Variants in COL4A4 observed in about 807,000 individuals in gnomAD.
COL4A4 encodes collagen type IV alpha 4 chain.
COL4A4 carries 105 observed loss-of-function variants against 192.9 expected under a neutral mutation model. That is an observed-to-expected ratio of 0.54 (90% CI 0.46 to 0.64). The LOEUF (loss-of-function observed/expected upper bound fraction) is 0.64, where lower values mean the gene tolerates loss of function less well. Ranked by LOEUF, COL4A4 falls within the 30% of genes least tolerant of loss-of-function variation. The pLI, the probability that COL4A4 is intolerant of heterozygous loss-of-function variation, is 0.00. For missense variants in COL4A4, 1,967 were observed against 2,169.3 expected (o/e 0.91, Z 1.85); for synonymous variants, 762 against 769.9 (o/e 0.99, Z 0.17).
chr2:227,032,573 C>A (rs910441401), intron 38 of COL4A4, among the ~76,000 whole-genome samples: 1 of 152,130 alleles, frequency 6.6e-6, no homozygotes, highest in African/African-American at 2.4e-5. Context: ...AAATGAGATA[C>A]AATAAGTAAT....
chr2:227,133,552 A>G (rs1054105093), intron 4 of COL4A4, among the ~76,000 whole-genome samples: 1 of 152,212 alleles, frequency 6.6e-6, no homozygotes, highest in African/African-American at 2.4e-5. Context: ...AATGATAGGC[A>G]GGGATCCTTC....
At chr2:227,098,378 A>G (rs573701432) in intron 19 of COL4A4, among the ~76,000 whole-genome samples, 136 of 152,246 alleles carry the variant, frequency 8.9e-4, no homozygotes, top group Non-Finnish European at 1.5e-3. Context: ...CAACACCCCT[A>G]TGATATTGAT....
rs34728338 is a variant in COL4A4, at chr2:227,030,545, G to C, written c.3871C>G (p.Pro1291Ala). ...PGSVDLLRGE[P>A]GDCGLPGPPG... The stretch of plus-strand genomic sequence containing the variant: ...GGCCCTGGTAGACCACAGTCACCTG[G>C]CTCCCCTCTCAGAAGGTCAACACTC... Residue 1291 changes from proline (P) to alanine (A), a missense_variant, in exon 41 of 48, where the codon CCA (proline) becomes GCA (alanine). Coordinates refer to ENST00000396625, the MANE Select transcript of COL4A4 (RefSeq NM_000092.5). The C allele has an allele frequency of 1.1e-3, 1,842 of 1,613,988 alleles. 20 individuals carry two copies. The African/African-American group carries it at 0.021, about 18-fold the overall frequency.
the COL4A4 span, among the ~76,000 whole-genome samples, chr2:226,971,387 C>T: frequency 6.6e-6 from 1 of 152,220 alleles, no homozygotes; most frequent in Non-Finnish European, 1.5e-5. Flanking sequence ...TTCCTTTGCA[C>T]TGTCATCACA....
At chr2:227,101,267 C>A (rs2060506972) in intron 17 of COL4A4, among the ~76,000 whole-genome samples, 1 of 152,150 alleles carries the variant, frequency 6.6e-6, no homozygotes, top group African/African-American at 2.4e-5. Flanking sequence ...GCCTCCCCAG[C>A]CACGTGGAAC....
At chr2:227,062,889 T>C (rs1018713062) in intron 25 of COL4A4, among the ~76,000 whole-genome samples, 2 of 152,176 alleles carry the variant, frequency 1.3e-5, no homozygotes, top group African/African-American at 4.8e-5. Context: ...ATGTAGATGA[T>C]AAAAATGTAA....
chr2:227,010,463 A>T lies in COL4A4; in HGVS notation c.4372T>A (p.Phe1458Ile). 2 of 1,605,164 alleles carry T rather than the reference A, an allele frequency of 1.2e-6. No individual in the cohort carries two copies. The highest frequency in any genetic ancestry group is 1.7e-4 in the Middle Eastern group (1 of 5,838). Residue 1458 changes from phenylalanine (F) to isoleucine (I), a missense_variant, in exon 46 of 48, where the codon TTT becomes ATT. Physicochemically the swap from Phe to Ile is conservative, Grantham distance 21. Transcript: ENST00000396625. ...AAGCCACCGAGGTATCCAGGGCCAAACCCTTTGGGCCCAGGATCCCCAATG... is the reference window on the plus strand; with the variant it reads ...AAGCCACCGAGGTATCCAGGGCCAATCCCTTTGGGCCCAGGATCCCCAATG... Reference protein sequence around the residue: ...GPIGDPGPKGFGPGYLGGFLL... With the variant: ...GPIGDPGPKGIGPGYLGGFLL...
At chr2:227,036,773 G>T (rs926657802) in intron 37 of COL4A4, among the ~76,000 whole-genome samples, 1 of 152,070 alleles carries the variant, frequency 6.6e-6, no homozygotes, top group Non-Finnish European at 1.5e-5. Context: ...TAAGTGCTGT[G>T]GGGGAAGGGC....
intron 32 of COL4A4, among the ~76,000 whole-genome samples, chr2:227,051,655 A>G (rs942067324): frequency 1.1e-4 from 16 of 152,204 alleles, no homozygotes; most frequent in African/African-American, 3.9e-4. Flanking sequence ...GCATTTTAAC[A>G]AGCTCTCCAG....
chr2:226,979,646 G>A, the COL4A4 span, among the ~76,000 whole-genome samples: 5 of 152,176 alleles, frequency 3.3e-5, no homozygotes, highest in African/African-American at 7.2e-5. Context: ...CCCTTCTACC[G>A]TCTGCCCTGT....
At position 227,022,125 on chromosome 2, in the gene COL4A4, C is replaced by T; in HGVS notation, c.4139G>A (p.Gly1380Asp). The change falls in exon 44 of 48, where the codon GGC becomes GAC. Residue 1380 changes from glycine (G) to aspartate (D), a missense_variant. By Grantham distance (94) the Gly-to-Asp change is moderately conservative (BLOSUM62 -1). Coordinates refer to ENST00000396625, the MANE Select transcript of COL4A4 (RefSeq NM_000092.5). ...TCTCATGCCTGGCGCCCCAGGAAGG[C>T]CTGGGATTCGGGGACAGTCATCCAC... ...ADVDDCPRIP[G>D]LPGAPGMRGP... The T allele has an allele frequency of 1.2e-6, 2 of 1,614,140 alleles. No individual in the cohort carries two copies. Among genetic ancestry groups the T allele is most frequent in the African/African-American group, 1.3e-5 (1 of 75,028 alleles).
chr2:227,118,793 T>G, intron 6 of COL4A4, 32 bp from the exon 7 acceptor site: 1 of 1,453,150 alleles, frequency 6.9e-7, no homozygotes, highest in Non-Finnish European at 9.6e-7. Flanking sequence ...GTGAAGCATT[T>G]TTGCGAAAAT....
the COL4A4 span, chr2:226,988,270 G>A: frequency 1.4e-5 from 21 of 1,487,954 alleles, no homozygotes; most frequent in Non-Finnish European, 1.9e-5. Context: ...GCCCTGAGGA[G>A]GCCACTGTAA....
chr2:227,095,111 T>G lies in COL4A4; in HGVS notation c.1205-822A>C, dbSNP rs555766560. On this transcript the variant is annotated intron_variant, in intron 19 of 47. Transcript: ENST00000396625. ...TTTAGAGAATCAGATTTTCTTACCT[T>G]TTCCCCATTCTTTAGGATTATTGGG... is the stretch of plus-strand genomic sequence containing the variant. Among the ~76,000 whole-genome samples the G allele has an allele frequency of 5.3e-5, 8 of 152,328 alleles. No individual in the cohort carries two copies. The South Asian group carries it at 6.2e-4, about 12-fold the overall frequency.
At chr2:227,152,856 T>C (rs1466450594) in intron 1 of COL4A4, among the ~76,000 whole-genome samples, 1 of 152,192 alleles carries the variant, frequency 6.6e-6, no homozygotes, top group Non-Finnish European at 1.5e-5. Context: ...GACGAAGCAG[T>C]GTGTTTCTGT....
intron 4 of COL4A4, among the ~76,000 whole-genome samples, chr2:227,122,723 T>C (rs182527616): frequency 9.5e-4 from 145 of 152,252 alleles, no homozygotes; most frequent in African/African-American, 2.9e-3. Flanking sequence ...GACAATCGCA[T>C]AGCATGAAGG....
At chr2:227,081,722 A>G (rs1406434436) in intron 23 of COL4A4, among the ~76,000 whole-genome samples, 5 of 152,124 alleles carry the variant, frequency 3.3e-5, no homozygotes, top group Non-Finnish European at 7.3e-5. Context: ...TTAATATTTC[A>G]CATTTTGTTT....
At chr2:227,127,889 A>G (rs2062182696) in intron 4 of COL4A4, among the ~76,000 whole-genome samples, 1 of 152,214 alleles carries the variant, frequency 6.6e-6, no homozygotes, top group Admixed American at 6.5e-5. Flanking sequence ...AACTGAACAA[A>G]CAGGAAAGAT....
chr2:227,127,882 T>A (rs2062182104), intron 4 of COL4A4, among the ~76,000 whole-genome samples: 1 of 152,196 alleles, frequency 6.6e-6, no homozygotes, highest in Admixed American at 6.5e-5. Flanking sequence ...AATGAAAAAC[T>A]GAACAAACAG....
Sources: gnomAD v4.1 joint callset for allele counts (sites outside exome capture counted in the v4.1 genomes callset) on GRCh38, gnomAD v4.1.1 for gene constraint, MANE v1.5 for transcripts, NCBI Gene and HGNC (gene_info 2026-07-23, HGNC 2026-07-21) for gene names.